The following MBTD1 variants were observed in gnomAD, a reference collection of about 807,000 sequenced individuals.
MBTD1 encodes the protein mbt domain containing 1, also known as MBT domain-containing protein 1.
A neutral mutation model predicts 87.8 loss-of-function variants in MBTD1; 24 were observed. The observed-to-expected ratio is 0.27, with a 90% confidence interval of 0.20 to 0.38. The LOEUF (loss-of-function observed/expected upper bound fraction) is 0.38, where lower values mean the gene tolerates loss of function less well. MBTD1 is among the 10% of genes least tolerant of loss of function. MBTD1 has a pLI of 1.00. For synonymous variants in MBTD1, 237 were observed against 248.6 expected (o/e 0.95, Z 0.44); for missense variants, 436 against 760.2 (o/e 0.57, Z 5.02).
At position 51,178,477 on chromosome 17, in the gene MBTD1, TCCTGGTTTAGTCAGTTCC is replaced by T. The variant is rs1161725704; in HGVS notation, c.*2081_*2098del. 2.6e-5 allele frequency: 4 copies of T among 152,218 alleles called. No homozygotes were observed. Among genetic ancestry groups the T allele is most frequent in the African/African-American group, 9.6e-5 (4 of 41,458 alleles). The allele number at this position is 152,218 out of a possible 1,614,324, so 9.4% of individuals were successfully genotyped here. On this transcript the variant is annotated 3_prime_UTR_variant, in exon 17 of 17. Transcript: ENST00000586178. ...ACTGACTAGCTCCAAATCCTCTCTCTCCTGGTTTAGTCAGTTCCCCATGGAGCTCCTAAATCCAAGGTA... is the reference window on the plus strand; with the variant it reads ...ACTGACTAGCTCCAAATCCTCTCTCTCCATGGAGCTCCTAAATCCAAGGTA...
In MBTD1 at chr17:51,236,798, T is replaced by C. The variant is rs543281611; in HGVS notation, c.-48-11589A>G. 6.6e-5 allele frequency among the ~76,000 whole-genome samples: 10 copies of C among 152,226 alleles called. No individual in the cohort carries two copies. The East Asian group carries it at 1.4e-3, about 21-fold the overall frequency. On this transcript the variant is annotated intron_variant, in intron 2 of 16. Transcript: ENST00000586178. ...AAAAAAAAAATAGTCTTTGAACGAA[T>C]GGTGCTGGAAGAATTAAGACATTCA...
chr17:51,200,522 T>G (rs1359898256), intron 12 of MBTD1, among the ~76,000 whole-genome samples: 1 of 129,868 alleles, frequency 7.7e-6, no homozygotes, highest in Non-Finnish European at 1.5e-5. Context: ...ATCACGCCAT[T>G]GCACTACAGC....
chr17:51,180,628 G>A lies in MBTD1; in HGVS notation c.1835C>T (p.Ser612Phe). Residue 612 changes from serine to phenylalanine, a missense_variant, in exon 17 of 17, where the codon TCT becomes TTT. Ser to Phe is a radical substitution (Grantham distance 155, BLOSUM62 -2). This residue lies in a region of MBTD1 where 32 missense variants were observed against 34.7 expected (regional missense o/e 0.92). Transcript: ENST00000586178. Reference sequence around the variant, plus strand: ...GGCAGAGCCATTGCTTTCCTGATCAGACGCTCCTTGAAGGAAATTATAATC... The same window carrying A: ...GGCAGAGCCATTGCTTTCCTGATCAAACGCTCCTTGAAGGAAATTATAATC... ...GEDYNFLQGA[S>F]DQESNGSANF... is the part of the protein sequence containing the mutation. The A allele has an allele frequency of 6.4e-7, 1 of 1,551,692 alleles. No homozygotes were observed.
intron 6 of MBTD1, among the ~76,000 whole-genome samples, chr17:51,210,399 G>A (rs1330133890): frequency 6.6e-6 from 1 of 152,130 alleles, no homozygotes; most frequent in Non-Finnish European, 1.5e-5. Context: ...GCCTAGGGTG[G>A]AAGTAAGATT....
intron 2 of MBTD1, chr17:51,256,585 G>GA (rs2055102319): frequency 6.6e-6 from 1 of 152,174 alleles, no homozygotes; most frequent in Admixed American, 6.5e-5. Context: ...GTTATGCTTA[G>GA]AAAACAGTGT....
chr17:51,208,324 T>G (rs1032998950), intron 6 of MBTD1, among the ~76,000 whole-genome samples: 2 of 152,200 alleles, frequency 1.3e-5, no homozygotes, highest in African/African-American at 4.8e-5. Flanking sequence ...GCTCAACTAT[T>G]TGCGGTTCTG....
At chr17:51,242,725 G>A (rs1013630810) in intron 2 of MBTD1, among the ~76,000 whole-genome samples, 1 of 152,100 alleles carries the variant, frequency 6.6e-6, no homozygotes, top group Non-Finnish European at 1.5e-5. Flanking sequence ...CCTGTTAAGC[G>A]GGTAACCAAC....
chr17:51,226,921 G>T (rs940258670), intron 2 of MBTD1, among the ~76,000 whole-genome samples: 1 of 147,072 alleles, frequency 6.8e-6, no homozygotes, highest in African/African-American at 2.5e-5. Flanking sequence ...GTGAGGCACC[G>T]CACCCAGCCA....
intron 7 of MBTD1, among the ~76,000 whole-genome samples, chr17:51,205,753 G>C (rs550912138): frequency 4.1e-4 from 63 of 152,180 alleles, no homozygotes; most frequent in African/African-American, 1.4e-3. Context: ...ATAAATGCTG[G>C]CTATCTTGAT....
chr17:51,247,020 A>G (rs2054477065), intron 2 of MBTD1, among the ~76,000 whole-genome samples: 1 of 152,138 alleles, frequency 6.6e-6, no homozygotes, highest in Non-Finnish European at 1.5e-5. Flanking sequence ...TCCTTACTCT[A>G]TTCTTGATTG....
At position 51,217,275 on chromosome 17, in the gene MBTD1, C is replaced by T; in HGVS notation, c.486+59G>A. 4 of 956,768 alleles carry T rather than the reference C, an allele frequency of 4.2e-6. No individual in the cohort carries two copies. The Admixed American group carries it at 8.2e-5, about 19-fold the overall frequency. 59.3% of individuals were successfully genotyped at this position (956,768 alleles called of 1,614,324 possible). A position where few individuals can be genotyped will look rare whatever the true frequency, so the allele number is the denominator to read the frequency against. ...GATAAGATGCTTAGGTGTTATTGTA[C>T]CTTCAGATTTAAACAATGACTAAGT... On this transcript the variant is annotated intron_variant, in intron 6 of 16. Transcript: ENST00000586178.
At chr17:51,257,137 G>T (rs1227152667) in intron 2 of MBTD1, among the ~76,000 whole-genome samples, 2 of 152,220 alleles carry the variant, frequency 1.3e-5, no homozygotes, top group East Asian at 3.8e-4. Context: ...GCACAGTTAA[G>T]AATACTGTGG....
chr17:51,216,802 T>C (rs2052595783), intron 6 of MBTD1, among the ~76,000 whole-genome samples: 1 of 152,210 alleles, frequency 6.6e-6, no homozygotes, highest in Admixed American at 6.5e-5. Flanking sequence ...CAGGATGGTC[T>C]TGAACTCCTG....
intron 2 of MBTD1, among the ~76,000 whole-genome samples, chr17:51,236,718 T>C (rs1052457738): frequency 1.3e-5 from 2 of 151,962 alleles, no homozygotes; most frequent in South Asian, 2.1e-4. Context: ...TATATATCTA[T>C]AGATATATAC....
intron 6 of MBTD1, among the ~76,000 whole-genome samples, chr17:51,215,909 T>A (rs564823737): frequency 1.3e-5 from 2 of 151,082 alleles, no homozygotes; most frequent in South Asian, 4.2e-4. Context: ...TATGCTGTTA[T>A]CTAAAAATAA....
chr17:51,258,253 C>T (rs2055208903), intron 2 of MBTD1, among the ~76,000 whole-genome samples: 1 of 152,114 alleles, frequency 6.6e-6, no homozygotes, highest in East Asian at 1.9e-4. Flanking sequence ...TCTTGACACC[C>T]ACTTCACCAC....
At chr17:51,252,190 ACT>A (rs1267184768) in intron 2 of MBTD1, among the ~76,000 whole-genome samples, 1 of 152,152 alleles carries the variant, frequency 6.6e-6, no homozygotes, top group Non-Finnish European at 1.5e-5. Context: ...TATGAGTGTC[ACT>A]CTCATTTTAC....
At chr17:51,188,267 C>G (rs1321914511) in intron 16 of MBTD1, among the ~76,000 whole-genome samples, 1 of 152,172 alleles carries the variant, frequency 6.6e-6, no homozygotes, top group Non-Finnish European at 1.5e-5. Context: ...GCTTTTGAGA[C>G]TAGAGAGTGT....
intron 8 of MBTD1, among the ~76,000 whole-genome samples, chr17:51,203,505 C>T (rs1237567054): frequency 7.9e-5 from 12 of 152,048 alleles, no homozygotes; most frequent in Admixed American, 7.2e-4. Flanking sequence ...ACCTCCATCT[C>T]CCCGGTTCAA....
Sources: allele counts gnomAD v4.1 joint callset (sites outside exome capture counted in the v4.1 genomes callset), GRCh38; gene constraint gnomAD v4.1.1; regional missense constraint gnomAD v4.1.1; transcripts MANE v1.5; gene names NCBI Gene and HGNC (gene_info 2026-07-23, HGNC 2026-07-21).